Variants in TLL2 observed in about 807,000 individuals in gnomAD.
The protein encoded by TLL2 is tolloid like 2.
TLL2 carries 106 observed loss-of-function variants against 123.0 expected under a neutral mutation model. The observed-to-expected ratio is 0.86, with a 90% CI of 0.74 to 1.01. The LOEUF (loss-of-function observed/expected upper bound fraction) is 1.01. Among genes scored for constraint, TLL2 ranks in the 50% least tolerant of loss-of-function variants. The pLI, the probability that TLL2 is intolerant of heterozygous loss-of-function variation, is 0.00. For missense variants in TLL2, 1,332 were observed against 1,336.7 expected (o/e 1.00, Z 0.06); for synonymous variants, 494 against 516.8 (o/e 0.96, Z 0.60).
intron 10 of TLL2, among the ~76,000 whole-genome samples, chr10:96,399,238 T>C (rs565922767): frequency 6.6e-6 from 1 of 152,320 alleles, no homozygotes; most frequent in African/African-American, 2.4e-5. Context: ...CATTGACTGG[T>C]ATACTTTAAA....
chr10:96,450,167 A>C (rs903815432), intron 2 of TLL2, among the ~76,000 whole-genome samples: 12 of 150,200 alleles, frequency 8.0e-5, no homozygotes, highest in South Asian at 6.3e-4. Flanking sequence ...GCATGGATGG[A>C]TGGATGGATG....
chr10:96,429,366 A>G (rs1846713715), intron 4 of TLL2, among the ~76,000 whole-genome samples: 1 of 150,390 alleles, frequency 6.6e-6, no homozygotes, highest in South Asian at 2.1e-4. Flanking sequence ...ATATTTTCAA[A>G]AAAAAAAAAA....
intron 12 of TLL2, 151 bp from the exon 13 acceptor site, chr10:96,395,533 T>C (rs1385774856): frequency 8.0e-6 from 6 of 752,210 alleles, no homozygotes; most frequent in Non-Finnish European, 1.2e-5. Flanking sequence ...TGCTTCCTAG[T>C]TCACTCCTTA....
In TLL2 at chr10:96,432,969, C is replaced by T. The variant is rs775459677; in HGVS notation, c.365-7G>A. ...GTGGTATTCTCCCGGCCATCTGCAA[C>T]ACAGTCAGGTTAATATTGATTTTGC... On this transcript the variant is annotated splice_polypyrimidine_tract_variant and splice_region_variant and intron_variant, in intron 3 of 20. Coordinates refer to ENST00000357947, the MANE Select transcript of TLL2 (RefSeq NM_012465.4). 3 of 1,612,262 alleles carry T rather than the reference C, an allele frequency of 1.9e-6. No individual in the cohort carries two copies. The highest frequency in any genetic ancestry group is 3.3e-5 in the Admixed American group (2 of 59,910).
At chr10:96,510,912 T>A (rs1324604636) in intron 1 of TLL2, among the ~76,000 whole-genome samples, 1 of 152,170 alleles carries the variant, frequency 6.6e-6, no homozygotes, top group Non-Finnish European at 1.5e-5. Flanking sequence ...TCTGGACATG[T>A]CACTTTGTAA....
chr10:96,496,078 C>G (rs781131247), intron 1 of TLL2, among the ~76,000 whole-genome samples: 3 of 152,194 alleles, frequency 2.0e-5, no homozygotes, highest in African/African-American at 7.2e-5. Context: ...AATATTGCAT[C>G]TAGAAGCCAT....
intron 1 of TLL2, among the ~76,000 whole-genome samples, chr10:96,504,624 A>C: frequency 6.6e-6 from 1 of 152,190 alleles, no homozygotes; most frequent in Non-Finnish European, 1.5e-5. Context: ...AATTGGCACC[A>C]TTAGAAAACA....
Position 96,403,164 on chromosome 10 carries a change from C to T in TLL2, c.1267+2068G>A, listed in dbSNP as rs748016217. On this transcript the variant is annotated intron_variant, in intron 10 of 20. Transcript: ENST00000357947. ...TCTGCCTGTCTCACCAGCTCCACCA[C>T]GGCTGCCATTCCTGGGCTGAATGAG... is the stretch of plus-strand genomic sequence containing the variant. Among the ~76,000 whole-genome samples the T allele has an allele frequency of 3.3e-5, 5 of 152,304 alleles. 1 individual carries two copies. The highest frequency in any genetic ancestry group is 6.5e-5 in the Admixed American group (1 of 15,306).
In TLL2 at chr10:96,367,832, T is replaced by G; in HGVS notation, c.*256A>C. ...TAGCCGGAATGGTCAGTGACTTCAA[T>G]CCTAATCTTTAACACTTTAACAGTT... On this transcript the variant is annotated 3_prime_UTR_variant, in exon 21 of 21. Coordinates refer to ENST00000357947, the MANE Select transcript of TLL2 (RefSeq NM_012465.4). 1 of 417,798 alleles carries G rather than the reference T, an allele frequency of 2.4e-6. No homozygotes were observed. Among genetic ancestry groups the G allele is most frequent in the Non-Finnish European group, 4.4e-6 (1 of 229,144 alleles). 25.9% of individuals were successfully genotyped at this position (417,798 alleles called of 1,614,324 possible).
At chr10:96,418,262 G>A (rs1009604131) in intron 7 of TLL2, among the ~76,000 whole-genome samples, 1 of 152,158 alleles carries the variant, frequency 6.6e-6, no homozygotes, top group Non-Finnish European at 1.5e-5. Flanking sequence ...AAGAAGAAAC[G>A]CTGGTGCTGG....
intron 18 of TLL2, among the ~76,000 whole-genome samples, chr10:96,376,442 G>A (rs1234301150): frequency 6.6e-6 from 1 of 152,222 alleles, no homozygotes; most frequent in Non-Finnish European, 1.5e-5. Flanking sequence ...GGTGGATGCC[G>A]CCTCCTGCGG....
intron 7 of TLL2, among the ~76,000 whole-genome samples, chr10:96,414,106 G>A (rs1846532313): frequency 6.6e-6 from 1 of 152,124 alleles, no homozygotes; most frequent in Non-Finnish European, 1.5e-5. Context: ...TGCCAGCTGA[G>A]CGCTGGCCCT....
At chr10:96,437,809 G>T (rs541197852) in intron 3 of TLL2, among the ~76,000 whole-genome samples, 207 of 152,284 alleles carry the variant, frequency 1.4e-3, no homozygotes, top group Middle Eastern at 6.8e-3. Flanking sequence ...CCTGTTGAAG[G>T]ATATCTGGAT....
chr10:96,476,877 C>CACACACAG (rs60373000), intron 2 of TLL2, among the ~76,000 whole-genome samples: 7,085 of 149,678 alleles, frequency 0.047, 300 homozygotes, highest in African/African-American at 0.11. Flanking sequence ...CACACACACA[C>CACACACAG]ACACACACAC....
chr10:96,428,878 C>T (rs1371364489), intron 4 of TLL2, 130 bp from the exon 5 acceptor site: 1 of 594,998 alleles, frequency 1.7e-6, no homozygotes, highest in East Asian at 3.1e-5. Context: ...GATCTCGGCT[C>T]ACTGCAACTT....
intron 1 of TLL2, among the ~76,000 whole-genome samples, chr10:96,496,061 T>C (rs1300212465): frequency 1.3e-5 from 2 of 152,216 alleles, no homozygotes; most frequent in African/African-American, 2.4e-5. Flanking sequence ...TCAAATGACT[T>C]GCTTAAAATA....
chr10:96,373,489 G>T (rs149042153), intron 19 of TLL2, 107 bp downstream of exon 19: 3 of 1,070,378 alleles, frequency 2.8e-6, no homozygotes, highest in Non-Finnish European at 2.8e-6. Flanking sequence ...TCCTCCCCTC[G>T]CCCTCCCCCA....
chr10:96,425,180 T>C (rs938375328), intron 5 of TLL2, among the ~76,000 whole-genome samples: 1 of 152,056 alleles, frequency 6.6e-6, no homozygotes, highest in Non-Finnish European at 1.5e-5. Flanking sequence ...CAAACTGTTT[T>C]GTTATTATCT....
chr10:96,365,489 A>G lies in TLL2; in HGVS notation c.*2599T>C, dbSNP rs1589400995. 6.6e-6 allele frequency: 1 copy of G among 152,254 alleles called. No homozygotes were observed. The highest frequency in any genetic ancestry group is 1.9e-4 in the East Asian group (1 of 5,202). The allele number at this position is 152,254 out of a possible 1,614,324, so 9.4% of individuals were successfully genotyped here. A position where few individuals can be genotyped will look rare whatever the true frequency, so the allele number is the denominator to read the frequency against. On this transcript the variant is annotated 3_prime_UTR_variant, in exon 21 of 21. Transcript: ENST00000357947. Reference sequence around the variant, plus strand: ...TTCATTAGCCTGTTGTCCTAAGACAATTCTCTGAACTAAAACTATTCTTGC... The same window carrying G: ...TTCATTAGCCTGTTGTCCTAAGACAGTTCTCTGAACTAAAACTATTCTTGC...
Sources: allele counts gnomAD v4.1 joint callset (sites outside exome capture counted in the v4.1 genomes callset), GRCh38; gene constraint gnomAD v4.1.1; transcripts MANE v1.5; gene names NCBI Gene and HGNC (gene_info 2026-07-23, HGNC 2026-07-21).